Variants in DHRS3 observed in about 807,000 individuals in gnomAD.
DHRS3 encodes dehydrogenase/reductase 3, also known as short-chain dehydrogenase/reductase 3.
A neutral mutation model predicts 27.2 loss-of-function variants in DHRS3; 14 were observed. The observed-to-expected ratio is 0.52, with a 90% CI of 0.34 to 0.81. The LOEUF is 0.81. DHRS3 is among the 30% of genes least tolerant of loss of function. The probability of loss-of-function intolerance (pLI) is 0.01; values close to 1 mark genes in which losing one functional copy is unlikely to be tolerated. For missense variants in DHRS3, 322 were observed against 406.2 expected, an observed-to-expected ratio of 0.79 and a Z score of 1.78; for synonymous variants, 165 against 175.9, an observed-to-expected ratio of 0.94 and a Z score of 0.49.
intron 4 of DHRS3, among the ~76,000 whole-genome samples, chr1:12,573,382 C>A (rs1055355019): frequency 3.3e-5 from 5 of 152,240 alleles, no homozygotes; most frequent in African/African-American, 1.2e-4. Context: ...ACCGCGTTCA[C>A]CCCACCTAGG....
rs944681939 is a variant in DHRS3 at position 12,594,284 on chromosome 1, A to G, written c.196-13618T>C. On this transcript the variant is annotated intron_variant, in intron 1 of 5. Coordinates refer to ENST00000616661, the MANE Select transcript of DHRS3 (RefSeq NM_004753.7). The surrounding 1 kb of genome is among the most constrained non-coding windows in gnomAD (Gnocchi z 4.1). The stretch of plus-strand genomic sequence containing the variant: ...TTAACAACCCTGTCCTGCCTCATTC[A>G]TTCATTCAAGGACTATTTGTGGAAT... Among the ~76,000 whole-genome samples, 4 of 152,240 alleles carry G rather than the reference A, an allele frequency of 2.6e-5. No individual in the cohort carries two copies. The highest frequency in any genetic ancestry group is 9.6e-5 in the African/African-American group (4 of 41,460).
At chr1:12,577,224 G>A (rs1162395998) in intron 4 of DHRS3, among the ~76,000 whole-genome samples, 5 of 152,148 alleles carry the variant, frequency 3.3e-5, no homozygotes, top group Non-Finnish European at 5.9e-5. Context: ...CATCGATGAC[G>A]TCATGCCCCT....
intron 1 of DHRS3, among the ~76,000 whole-genome samples, chr1:12,597,229 A>C (rs1457607010): frequency 6.6e-6 from 1 of 151,920 alleles, no homozygotes; most frequent in African/African-American, 2.4e-5. Context: ...GGCGCCCACC[A>C]CCGCACCTGG....
At chr1:12,589,210 C>T (rs1646724602) in intron 1 of DHRS3, among the ~76,000 whole-genome samples, 1 of 152,142 alleles carries the variant, frequency 6.6e-6, no homozygotes, top group Non-Finnish European at 1.5e-5. Context: ...AGAATTTCCC[C>T]CTTTCACAAC....
intron 5 of DHRS3, among the ~76,000 whole-genome samples, chr1:12,572,212 G>T (rs1646543846): frequency 6.6e-6 from 1 of 152,070 alleles, no homozygotes; most frequent in African/African-American, 2.4e-5. Context: ...GAGTCACCCA[G>T]GCTGGAGTGC....
chr1:12,584,747 A>T (rs941066513), intron 1 of DHRS3, among the ~76,000 whole-genome samples: 17 of 152,228 alleles, frequency 1.1e-4, no homozygotes, highest in Admixed American at 6.5e-4. Flanking sequence ...GGTGAGGAGC[A>T]GCTTTCACAG....
intron 5 of DHRS3, among the ~76,000 whole-genome samples, chr1:12,569,490 T>A (rs1280493859): frequency 6.6e-6 from 1 of 152,118 alleles, no homozygotes; most frequent in East Asian, 1.9e-4. Flanking sequence ...AAATGGGGTA[T>A]CCATCACCTC....
At chr1:12,606,770 C>A (rs1380685055) in intron 1 of DHRS3, among the ~76,000 whole-genome samples, 1 of 152,104 alleles carries the variant, frequency 6.6e-6, no homozygotes, top group South Asian at 2.1e-4. Context: ...GCTGGGATTA[C>A]AGGTGTGAGC....
At position 12,569,121 on chromosome 1, in the gene DHRS3, G is replaced by A. The variant is rs1252810026; in HGVS notation, c.825-697C>T. Among the ~76,000 whole-genome samples the A allele has an allele frequency of 4.6e-5, 7 of 152,152 alleles. No homozygotes were observed. The East Asian group carries it at 1.4e-3, about 29-fold the overall frequency. On this transcript the variant is annotated intron_variant, in intron 5 of 5. Transcript: ENST00000616661. The stretch of plus-strand genomic sequence containing the variant: ...TAATCCCAGCTACTCGGGAGACTGA[G>A]GCAGGAGAATTGCTTGACCTGGGAG...
At chr1:12,569,277 A>G (rs1168254242) in intron 5 of DHRS3, among the ~76,000 whole-genome samples, 1 of 143,766 alleles carries the variant, frequency 7.0e-6, no homozygotes, top group East Asian at 2.3e-4. Context: ...TTTAAAATAT[A>G]TATTTTAAAA....
At position 12,574,256 on chromosome 1, in the gene DHRS3, G is replaced by C. The variant is rs1440730238; in HGVS notation, c.699-1403C>G. On this transcript the variant is annotated intron_variant, in intron 4 of 5. Coordinates refer to ENST00000616661, the MANE Select transcript of DHRS3 (RefSeq NM_004753.7). This position sits in a 1 kb window ranked among gnomAD's most constrained non-coding sequence, Gnocchi z 4.6. ...CGTGATCACAGCTCACTGCAGCCTC[G>C]ACCTCCCTGGGCTCAAGTAATCCTC... Among the ~76,000 whole-genome samples the C allele has an allele frequency of 6.6e-6, 1 of 152,018 alleles. No homozygotes were observed. Among genetic ancestry groups the C allele is most frequent in the Non-Finnish European group, 1.5e-5 (1 of 68,004 alleles).
intron 5 of DHRS3, among the ~76,000 whole-genome samples, chr1:12,570,934 G>A (rs1160872425): frequency 6.6e-6 from 1 of 152,230 alleles, no homozygotes; most frequent in African/African-American, 2.4e-5. Flanking sequence ...CGAGGTTTCT[G>A]TGCCCTGCAT....
chr1:12,600,088 C>T (rs769178628), intron 1 of DHRS3, among the ~76,000 whole-genome samples: 4 of 152,274 alleles, frequency 2.6e-5, no homozygotes, highest in African/African-American at 4.8e-5. Context: ...CAAGGTCACA[C>T]GGCAAGTGAA....
In DHRS3 at chr1:12,580,328, G is replaced by A. The variant is rs150959190; in HGVS notation, c.339+195C>T. 2,205 of 669,522 alleles carry A rather than the reference G, an allele frequency of 3.3e-3. 51 individuals carry two copies. The highest frequency in any genetic ancestry group is 0.026 in the South Asian group (1,586 of 60,016). The allele number at this position is 669,522 out of a possible 1,614,324, so 41.5% of individuals were successfully genotyped here. A position where few individuals can be genotyped will look rare whatever the true frequency, so the allele number is the denominator to read the frequency against. ...TTCCAAGGGAACAACAGATGATTAC[G>A]CCTGTTACGTAATCAACCCTAATCC... On this transcript the variant is annotated intron_variant, in intron 2 of 5. Transcript: ENST00000616661.
rs1376533860 is a variant in DHRS3, at chr1:12,578,254, C to G, written c.698+464G>C. ...CAGGACCCTCCCCATCGTGGCATCA[C>G]TGCCTTGCAGACCGAGAACCAGGTA... is the stretch of plus-strand genomic sequence containing the variant. On this transcript the variant is annotated intron_variant, in intron 4 of 5. Transcript: ENST00000616661. This position sits in a 1 kb window ranked among gnomAD's most constrained non-coding sequence, Gnocchi z 4.5. 2.6e-5 allele frequency among the ~76,000 whole-genome samples: 4 copies of G among 152,256 alleles called. No individual in the cohort carries two copies. Among genetic ancestry groups the G allele is most frequent in the Admixed American group, 6.5e-5 (1 of 15,292 alleles).
In DHRS3 at chr1:12,574,134, C is replaced by T. The variant is rs1646564998; in HGVS notation, c.699-1281G>A. Reference sequence around the variant, plus strand: ...GAGGGTACATGAATCTTACCCCCTGCCCTGTAATTCCTTTGTCATCACAAT... The same window carrying T: ...GAGGGTACATGAATCTTACCCCCTGTCCTGTAATTCCTTTGTCATCACAAT... On this transcript the variant is annotated intron_variant, in intron 4 of 5. Coordinates refer to ENST00000616661, the MANE Select transcript of DHRS3 (RefSeq NM_004753.7). This position sits in a 1 kb window ranked among gnomAD's most constrained non-coding sequence, Gnocchi z 4.6. Among the ~76,000 whole-genome samples, 1 of 152,162 alleles carries T rather than the reference C, an allele frequency of 6.6e-6. No homozygotes were observed. The highest frequency in any genetic ancestry group is 6.5e-5 in the Admixed American group (1 of 15,278).
At chr1:12,589,032 C>T (rs771861255) in intron 1 of DHRS3, among the ~76,000 whole-genome samples, 2 of 152,226 alleles carry the variant, frequency 1.3e-5, no homozygotes, top group Non-Finnish European at 2.9e-5. Flanking sequence ...GTGGAGGGTG[C>T]ACAGCTCTCT....
rs1646957414 is a variant in DHRS3 at position 12,618,005 on chromosome 1, G to C, written c.-657C>G. Among the ~76,000 whole-genome samples, 1 of 152,066 alleles carries C rather than the reference G, an allele frequency of 6.6e-6. No homozygotes were observed. On this transcript the variant is annotated 5_prime_UTR_variant, in exon 1 of 6. Coordinates refer to ENST00000616661, the MANE Select transcript of DHRS3 (RefSeq NM_004753.7). The surrounding 1 kb of genome is among the most constrained non-coding windows in gnomAD (Gnocchi z 4.2). ...TGCCAGCAACGTGCAGGAGAAGTGGGGGGTCCGGGTGTCAGTTTCTTTACG... is the reference window on the plus strand; with the variant it reads ...TGCCAGCAACGTGCAGGAGAAGTGGCGGGTCCGGGTGTCAGTTTCTTTACG...
chr1:12,576,568 A>C (rs111714680), intron 4 of DHRS3, among the ~76,000 whole-genome samples: 66 of 151,716 alleles, frequency 4.4e-4, no homozygotes, highest in African/African-American at 1.4e-3. Context: ...TCTTAAAAAA[A>C]AAAACAAAAC....
Sources: allele counts gnomAD v4.1 joint callset (sites outside exome capture counted in the v4.1 genomes callset), GRCh38; gene constraint gnomAD v4.1.1; non-coding constraint Gnocchi (gnomAD v3.1); transcripts MANE v1.5; gene names NCBI Gene and HGNC (gene_info 2026-07-23, HGNC 2026-07-21).